The following SLMAP variants were observed in gnomAD, a reference collection of about 807,000 sequenced individuals.
SLMAP encodes sarcolemma associated protein.
Under a neutral mutation model 128.8 loss-of-function variants are expected in SLMAP, and 44 were observed. The ratio of observed to expected loss-of-function variants is 0.34; its 90% CI spans 0.27 to 0.44. SLMAP has a LOEUF of 0.44. Among genes scored for constraint, SLMAP ranks in the 20% least tolerant of loss-of-function variants. The pLI is 1.00. For missense variants in SLMAP, 787 were observed against 985.3 expected, an observed-to-expected ratio of 0.80 and a Z score of 2.69; for synonymous variants, 327 against 348.8, an observed-to-expected ratio of 0.94 and a Z score of 0.70.
At chr3:57,888,552 GGT>G (rs988447346) in intron 14 of SLMAP, among the ~76,000 whole-genome samples, 5 of 152,000 alleles carry the variant, frequency 3.3e-5, no homozygotes, top group Non-Finnish European at 7.4e-5. Flanking sequence ...GGGAGGCAGA[GGT>G]TGCAGTGAGC....
At chr3:57,897,178 G>A (rs2096263960) in intron 17 of SLMAP, 1 of 1,128,738 alleles carries the variant, frequency 8.9e-7, no homozygotes, top group Non-Finnish European at 1.1e-6. Context: ...AATATGAAAT[G>A]CAGCTGTGTT....
chr3:57,808,530 G>T (rs2090341064), intron 2 of SLMAP, among the ~76,000 whole-genome samples: 1 of 152,204 alleles, frequency 6.6e-6, no homozygotes, highest in Admixed American at 6.5e-5. Context: ...TCATTCAGGA[G>T]CAGGCTATTC....
intron 2 of SLMAP, among the ~76,000 whole-genome samples, chr3:57,816,812 T>G (rs2091911152): frequency 6.6e-6 from 1 of 152,200 alleles, no homozygotes; most frequent in South Asian, 2.1e-4. Flanking sequence ...CTATTTAAAC[T>G]GAACTTCAGA....
chr3:57,913,110 T>C (rs767323906), intron 20 of SLMAP, 48 bp from the exon 21 acceptor site: 4 of 899,210 alleles, frequency 4.4e-6, no homozygotes, highest in Non-Finnish European at 7.3e-6. Context: ...TGAAGTATTA[T>C]GGAAGTTATA....
rs1397035539 is a variant in SLMAP at position 57,909,019 on chromosome 3, C to CT, written c.1625-56dup. 47 of 1,238,014 alleles carry CT rather than the reference C, an allele frequency of 3.8e-5. No individual in the cohort carries two copies. The African/African-American group carries it at 6.4e-4, about 17-fold the overall frequency. 76.7% of individuals were successfully genotyped at this position (1,238,014 alleles called of 1,614,324 possible). On this transcript the variant is annotated intron_variant, in intron 18 of 24. Transcript: ENST00000671191. The stretch of plus-strand genomic sequence containing the variant: ...AAAAGAAATTTTCAGCTGCTCAACT[C>CT]TGAGTACTTTCATTAATTCACAAAA...
chr3:57,839,434 ATTTTTTTTTTTT>A lies in SLMAP; in HGVS notation c.347-1852_347-1841del, dbSNP rs1189313640. On this transcript the variant is annotated intron_variant, in intron 3 of 24. Transcript: ENST00000671191. ...TAATATCCCCAAATGCATTAGCTCT[ATTTTTTTTTTTT>A]TTTTTTTTTTTTGAGATGGAGTCTC... Among the ~76,000 whole-genome samples, 7 of 82,870 alleles carry A rather than the reference ATTTTTTTTTTTT, an allele frequency of 8.4e-5. No individual in the cohort carries two copies. The East Asian group carries it at 2.0e-3, about 24-fold the overall frequency. The allele number at this position is 82,870 out of a possible 152,430, so 54.4% of individuals were successfully genotyped here.
chr3:57,842,611 G>T (rs886374566), intron 4 of SLMAP, among the ~76,000 whole-genome samples: 1 of 152,010 alleles, frequency 6.6e-6, no homozygotes, highest in African/African-American at 2.4e-5. Context: ...GAACAGTTAC[G>T]TAAGGAATCA....
At position 57,796,370 on chromosome 3, in the gene SLMAP, A is replaced by C. The variant is rs181013821; in HGVS notation, c.199-35013A>C. Reference sequence around the variant, plus strand: ...GTGGTTGAAAGAGTGTGGAATTAGGATAGTCTAGCCTGGTAATTAAGAGCA... The same window carrying C: ...GTGGTTGAAAGAGTGTGGAATTAGGCTAGTCTAGCCTGGTAATTAAGAGCA... On this transcript the variant is annotated intron_variant, in intron 2 of 24. Coordinates refer to ENST00000671191, the MANE Select transcript of SLMAP (RefSeq NM_001377540.1). Among the ~76,000 whole-genome samples the C allele has an allele frequency of 2.4e-3, 365 of 151,618 alleles. 1 individual carries two copies. Among genetic ancestry groups the C allele is most frequent in the Non-Finnish European group, 4.2e-3 (285 of 67,760 alleles).
intron 2 of SLMAP, among the ~76,000 whole-genome samples, chr3:57,793,068 G>GGACT (rs2085888410): frequency 6.6e-6 from 1 of 152,066 alleles, no homozygotes; most frequent in Non-Finnish European, 1.5e-5. Context: ...GAGTCCAGGA[G>GGACT]GCCGAAGTTG....
chr3:57,844,567 A>G (rs1288461796), intron 4 of SLMAP, among the ~76,000 whole-genome samples: 1 of 151,884 alleles, frequency 6.6e-6, no homozygotes, highest in Admixed American at 6.6e-5. Flanking sequence ...TAAAATACAG[A>G]TGTATATCAC....
intron 2 of SLMAP, among the ~76,000 whole-genome samples, chr3:57,766,420 G>A (rs1222917772): frequency 6.6e-6 from 1 of 152,008 alleles, no homozygotes; most frequent in Non-Finnish European, 1.5e-5. Flanking sequence ...TGAAAAGATT[G>A]TGAAGTTAAC....
At chr3:57,874,012 AC>A (rs957897605) in intron 14 of SLMAP, among the ~76,000 whole-genome samples, 5 of 152,260 alleles carry the variant, frequency 3.3e-5, no homozygotes, top group African/African-American at 1.2e-4. Flanking sequence ...AATCCCAGCT[AC>A]TCAGGAGGCT....
At chr3:57,854,179 C>A (rs1252577790) in intron 6 of SLMAP, among the ~76,000 whole-genome samples, 1 of 149,764 alleles carries the variant, frequency 6.7e-6, no homozygotes, top group Non-Finnish European at 1.5e-5. Context: ...TTACATTGAA[C>A]CAATATTCAG....
At chr3:57,763,277 C>CT (rs1282358973) in intron 2 of SLMAP, among the ~76,000 whole-genome samples, 1,819 of 140,330 alleles carry the variant, frequency 0.013, 29 homozygotes, top group African/African-American at 0.039. Context: ...CTTAGTGCAT[C>CT]TTTTTTTTTT....
chr3:57,836,452 G>A (rs2093646359), intron 3 of SLMAP, among the ~76,000 whole-genome samples: 2 of 152,250 alleles, frequency 1.3e-5, no homozygotes, highest in African/African-American at 2.4e-5. Flanking sequence ...GAACATATCG[G>A]TTCATATTAG....
intron 13 of SLMAP, among the ~76,000 whole-genome samples, chr3:57,869,659 TAA>T (rs1491454053): frequency 8.7e-6 from 1 of 115,446 alleles, no homozygotes; most frequent in African/African-American, 3.2e-5. Flanking sequence ...TATATATATA[TAA>T]TATATATAAA....
chr3:57,877,462 A>G lies in SLMAP; in HGVS notation c.1300+5764A>G, dbSNP rs77621658. Among the ~76,000 whole-genome samples the G allele has an allele frequency of 3.9e-4, 60 of 152,358 alleles. No homozygotes were observed. In the East Asian group the frequency reaches 8.3e-3, roughly 21 times the overall value. ...TTATTTCTCTAAGCCAAAGCAGTTT[A>G]TGGCAAATAATAGAAAACATGTATT... On this transcript the variant is annotated intron_variant, in intron 14 of 24. Transcript: ENST00000671191.
chr3:57,840,658 G>GT, intron 3 of SLMAP, among the ~76,000 whole-genome samples: 1 of 152,322 alleles, frequency 6.6e-6, no homozygotes, highest in East Asian at 1.9e-4. Context: ...CAAAGGGACT[G>GT]TACTGATGTC....
Position 57,850,010 on chromosome 3 carries a change from T to TA in SLMAP, c.519+201dup, listed in dbSNP as rs201716384. 5.3e-5 allele frequency among the ~76,000 whole-genome samples: 8 copies of TA among 152,164 alleles called. No individual in the cohort carries two copies. The East Asian group carries it at 1.4e-3, about 26-fold the overall frequency. The stretch of plus-strand genomic sequence containing the variant: ...GCAATAAAGTGAGACCCCTTTAATT[T>TA]AAAAAAATTTTTTTAATTAACCAGG... On this transcript the variant is annotated intron_variant, in intron 6 of 24. Transcript: ENST00000671191.
Sources: allele counts gnomAD v4.1 joint callset (sites outside exome capture counted in the v4.1 genomes callset), GRCh38; gene constraint gnomAD v4.1.1; transcripts MANE v1.5; gene names NCBI Gene and HGNC (gene_info 2026-07-23, HGNC 2026-07-21).